Variants in C2CD3 observed in about 807,000 individuals in gnomAD.
The protein encoded by C2CD3 is C2 domain containing 3 centriole elongation regulator.
C2CD3 carries 148 observed loss-of-function variants against 234.0 expected under a neutral mutation model. The observed-to-expected ratio is 0.63, with a 90% CI of 0.55 to 0.72. C2CD3 has a LOEUF of 0.72. C2CD3 is among the 30% of genes least tolerant of loss of function. The probability of loss-of-function intolerance (pLI) is 0.00; values close to 1 mark genes in which losing one functional copy is unlikely to be tolerated. For missense variants in C2CD3, 2,577 were observed against 2,811.5 expected (o/e 0.92, Z 1.89); for synonymous variants, 1,000 against 1,035.4 (o/e 0.97, Z 0.66).
intron 30 of C2CD3, chr11:74,036,400 A>G (rs1952743331): frequency 8.8e-6 from 4 of 455,670 alleles, no homozygotes; most frequent in South Asian, 6.2e-5. Context: ...GGTGCTCAAT[A>G]AACACTTGAC....
intron 7 of C2CD3, among the ~76,000 whole-genome samples, chr11:74,130,741 T>C (rs1273755831): frequency 1.3e-5 from 2 of 152,212 alleles, no homozygotes; most frequent in African/African-American, 4.8e-5. Flanking sequence ...ACTTGATTAG[T>C]GTTGTTCTGT....
chr11:74,108,911 T>TAAC, intron 12 of C2CD3, 123 bp downstream of exon 12: 1 of 464,800 alleles, frequency 2.2e-6, no homozygotes, highest in Non-Finnish European at 3.8e-6. Context: ...ATAATAATAA[T>TAAC]AACAATGGAT....
Position 74,049,257 on chromosome 11 carries a change from G to A in C2CD3, c.5361+80C>T, listed in dbSNP as rs531938467. 2.7e-5 allele frequency: 32 copies of A among 1,176,566 alleles called. No individual in the cohort carries two copies. In the African/African-American group the frequency reaches 3.9e-4, roughly 14 times the overall value. The allele number at this position is 1,176,566 out of a possible 1,614,324, so 72.9% of individuals were successfully genotyped here. On this transcript the variant is annotated intron_variant, in intron 27 of 32. Coordinates refer to ENST00000334126, the MANE Select transcript of C2CD3 (RefSeq NM_001286577.2). ...TATATAACGTATTCTATAAGCCGGA[G>A]AGTGCCAAACATGAGTAAAGGATGT...
At chr11:74,079,107 A>AGT (rs72275395) in intron 22 of C2CD3, among the ~76,000 whole-genome samples, 83,059 of 151,860 alleles carry the variant, frequency 0.55, 23,094 homozygotes, top group African/African-American at 0.67. Context: ...GTGCTTTAAA[A>AGT]GTGAAATGTT....
Position 74,048,743 on chromosome 11 carries a change from C to T in C2CD3, c.5362-405G>A, listed in dbSNP as rs956635607. Among the ~76,000 whole-genome samples the T allele has an allele frequency of 3.3e-5, 5 of 152,320 alleles. No homozygotes were observed. In the South Asian group the frequency reaches 1.0e-3, roughly 32 times the overall value. ...ACCTTCCTATATTGGGACCAATGAA[C>T]TCTGTTTTCTTATGCATGCTTTCAT... On this transcript the variant is annotated intron_variant, in intron 27 of 32. Coordinates refer to ENST00000334126, the MANE Select transcript of C2CD3 (RefSeq NM_001286577.2).
At chr11:74,144,282 A>G (rs1459867995) in intron 3 of C2CD3, among the ~76,000 whole-genome samples, 1 of 152,172 alleles carries the variant, frequency 6.6e-6, no homozygotes, top group Non-Finnish European at 1.5e-5. Context: ...TTGCTCCAAC[A>G]ATGCAATTCT....
chr11:74,138,398 C>G (rs2135543172), intron 5 of C2CD3, among the ~76,000 whole-genome samples: 1 of 152,302 alleles, frequency 6.6e-6, no homozygotes, highest in South Asian at 2.1e-4. Context: ...GAGACAAAAA[C>G]CTTACCTGCC....
At chr11:74,078,999 C>T (rs1287481272) in intron 22 of C2CD3, among the ~76,000 whole-genome samples, 1 of 152,186 alleles carries the variant, frequency 6.6e-6, no homozygotes, top group East Asian at 1.9e-4. Flanking sequence ...ATTTGGTTTC[C>T]TTACCTCACA....
At chr11:74,135,749 C>T (rs1479010506) in intron 5 of C2CD3, among the ~76,000 whole-genome samples, 1 of 152,148 alleles carries the variant, frequency 6.6e-6, no homozygotes, top group Non-Finnish European at 1.5e-5. Context: ...GTGTCCCTCA[C>T]ATGACCTCAA....
Position 74,138,739 on chromosome 11 carries a change from A to G in C2CD3, c.936T>C (p.Pro312=), listed in dbSNP as rs1292828047. The G allele has an allele frequency of 4.3e-6, 7 of 1,612,188 alleles. No homozygotes were observed. Among genetic ancestry groups the G allele is most frequent in the Non-Finnish European group, 5.9e-6 (7 of 1,178,356 alleles). Residue 312 remains proline, a synonymous_variant, in exon 5 of 33, where the codon CCT becomes CCC. Coordinates refer to ENST00000334126, the MANE Select transcript of C2CD3 (RefSeq NM_001286577.2). ...DSCILSSNNL[P]TKDLLSALLE... is the part of the protein sequence containing the mutation. ...ACATACCTGAAAGAAGATCCTTGGTAGGGAGGTTGTTTGAAGAAAGAATGC... is the reference window on the plus strand; with the variant it reads ...ACATACCTGAAAGAAGATCCTTGGTGGGGAGGTTGTTTGAAGAAAGAATGC...
intron 25 of C2CD3, among the ~76,000 whole-genome samples, chr11:74,056,235 G>A (rs956328361): frequency 6.6e-6 from 1 of 152,150 alleles, no homozygotes; most frequent in Non-Finnish European, 1.5e-5. Flanking sequence ...AGTGTTGGTG[G>A]ACAAGAATTA....
rs922008612 is a variant in C2CD3, at chr11:74,074,584, A to G, written c.4620T>C (p.Phe1540=). The change falls in exon 24 of 33, where the codon TTT becomes TTC. Residue 1540 remains phenylalanine (F), a synonymous_variant. Transcript: ENST00000334126. The stretch of plus-strand genomic sequence containing the variant: ...CTGAGAGGTTGGAAGCATTTCGTCC[A>G]AACAGAGGATACACACCTAAAAGAA... ...TLTVSGVYPL[F]GRNASNLSGA... 1 of 1,613,348 alleles carries G rather than the reference A, an allele frequency of 6.2e-7. No individual in the cohort carries two copies. Among genetic ancestry groups the G allele is most frequent in the African/African-American group, 1.3e-5 (1 of 75,058 alleles).
chr11:74,103,430 G>A lies in C2CD3; in HGVS notation c.2281C>T (p.Gln761Ter). 1 of 1,614,190 alleles carries A rather than the reference G, an allele frequency of 6.2e-7. No individual in the cohort carries two copies. Among genetic ancestry groups the A allele is most frequent in the Admixed American group, 1.7e-5 (1 of 60,028 alleles). The change falls in exon 14 of 33, where the codon CAG becomes TAG. Residue 761 changes from glutamine (Q) to a stop codon, truncating the protein, a stop_gained. Transcript: ENST00000334126. LOFTEE classifies it high-confidence loss of function. ...QIHEETAKKA[Q>*]NLVLPNRKSP... ...TTTCGGTTGGGGAGCACCAAGTTCT[G>A]TGCTTTCTTTGCAGTTTCCTCATGA...
At chr11:74,037,803 T>A in intron 29 of C2CD3, 105 bp from the exon 30 acceptor site, 1 of 786,152 alleles carries the variant, frequency 1.3e-6, no homozygotes, top group East Asian at 2.7e-5. Context: ...CCTTAATACC[T>A]CTCACTTGGT....
In C2CD3 at chr11:74,057,509, T is replaced by C. The variant is rs768011306; in HGVS notation, c.4987A>G (p.Ser1663Gly). Residue 1663 changes from serine (S) to glycine (G), a missense_variant, in exon 25 of 33, where the codon AGT becomes GGT. By Grantham distance (56) the Ser-to-Gly change is moderately conservative. Coordinates refer to ENST00000334126, the MANE Select transcript of C2CD3 (RefSeq NM_001286577.2). Reference protein sequence around the residue: ...PLTERKVSIPSCCVSFATADE... With the variant: ...PLTERKVSIPGCCVSFATADE... ...GCTGTTGCAAAGGATACACAACAAC[T>C]GGGTATCGATACTTTCCGCTCTGTC... 1 of 1,614,004 alleles carries C rather than the reference T, an allele frequency of 6.2e-7. No homozygotes were observed. Among genetic ancestry groups the C allele is most frequent in the Non-Finnish European group, 8.5e-7 (1 of 1,180,006 alleles).
At chr11:74,080,853 T>A (rs999134781) in intron 22 of C2CD3, among the ~76,000 whole-genome samples, 32 of 152,160 alleles carry the variant, frequency 2.1e-4, no homozygotes, top group African/African-American at 7.7e-4. Context: ...GTGAAATAGA[T>A]CTTACTATTT....
In C2CD3 at chr11:74,170,745, T is replaced by C; in HGVS notation, c.48A>G (p.Lys16=). 6.2e-7 allele frequency: 1 copy of C among 1,614,238 alleles called. No individual in the cohort carries two copies. Among genetic ancestry groups the C allele is most frequent in the Non-Finnish European group, 8.5e-7 (1 of 1,180,040 alleles). The change falls in exon 1 of 33, where the codon AAA becomes AAG. Residue 16 remains lysine (K), a synonymous_variant. Coordinates refer to ENST00000334126, the MANE Select transcript of C2CD3 (RefSeq NM_001286577.2). ...TTTGATCGCTCAGGTTACCTCTTTT[T>C]TTGCGCCCACGGCTGCCCCCAGACC... ...GQGSGGSRGR[K]KRGLSDISPS...
intron 7 of C2CD3, among the ~76,000 whole-genome samples, chr11:74,125,037 A>G (rs1359255255): frequency 6.6e-6 from 1 of 152,234 alleles, no homozygotes; most frequent in Non-Finnish European, 1.5e-5. Context: ...AAGAATACAC[A>G]TACCTATTTT....
At chr11:74,127,742 T>C (rs1466310219) in intron 7 of C2CD3, among the ~76,000 whole-genome samples, 1 of 152,186 alleles carries the variant, frequency 6.6e-6, no homozygotes, top group African/African-American at 2.4e-5. Flanking sequence ...TGTACCAGGG[T>C]TTCAAATTCT....
Sources: gnomAD v4.1 joint callset for allele counts (sites outside exome capture counted in the v4.1 genomes callset) on GRCh38, gnomAD v4.1.1 for gene constraint, MANE v1.5 for transcripts, NCBI Gene and HGNC (gene_info 2026-07-23, HGNC 2026-07-21) for gene names.